ARHGAP42: variants seen among roughly 807,000 people sequenced by gnomAD.
ARHGAP42 encodes rho GTPase-activating protein 42.
ARHGAP42 carries 63 observed loss-of-function variants against 125.0 expected under a neutral mutation model. That is an observed-to-expected ratio of 0.50 (90% confidence interval 0.41 to 0.62). The LOEUF is 0.62. ARHGAP42 is among the 20% of genes least tolerant of loss of function. The pLI, the probability that ARHGAP42 is intolerant of heterozygous loss-of-function variation, is 0.00. For missense variants in ARHGAP42, 766 were observed against 1,024.2 expected, an observed-to-expected ratio of 0.75 and a Z score of 3.44; for synonymous variants, 339 against 351.0, an observed-to-expected ratio of 0.97 and a Z score of 0.38.
intron 15 of ARHGAP42, among the ~76,000 whole-genome samples, chr11:100,962,175 A>G (rs1192044918): frequency 6.6e-6 from 1 of 152,026 alleles, no homozygotes; most frequent in Non-Finnish European, 1.5e-5. Flanking sequence ...TAATACAGTC[A>G]TGGAAAGAAG....
At chr11:100,786,843 G>A (rs1310444772) in intron 2 of ARHGAP42, among the ~76,000 whole-genome samples, 1 of 152,102 alleles carries the variant, frequency 6.6e-6, no homozygotes, top group African/African-American at 2.4e-5. Flanking sequence ...CTGTGATATG[G>A]TTTGGCTCTG....
intron 12 of ARHGAP42, among the ~76,000 whole-genome samples, chr11:100,954,485 G>A (rs519594): frequency 0.88 from 133,843 of 151,774 alleles, 59,098 homozygotes; most frequent in East Asian, 1. Flanking sequence ...TGTTTAAGTG[G>A]CTTTCCTCAA....
chr11:100,893,158 G>GGTGTGTGTGTGTGTGTGT (rs142725608), intron 4 of ARHGAP42, among the ~76,000 whole-genome samples: 33 of 147,088 alleles, frequency 2.2e-4, no homozygotes, highest in African/African-American at 7.0e-4. Context: ...AACATTTAGG[G>GGTGTGTGTGTGTGTGTGT]GTGTGTGTGT....
At chr11:100,690,597 T>C (rs946317022) in intron 1 of ARHGAP42, among the ~76,000 whole-genome samples, 1 of 152,128 alleles carries the variant, frequency 6.6e-6, no homozygotes, top group Non-Finnish European at 1.5e-5. Flanking sequence ...TTTTATTTTA[T>C]TTATTTATTT....
chr11:100,810,570 A>G lies in ARHGAP42; in HGVS notation c.312+15404A>G, dbSNP rs1864112193. On this transcript the variant is annotated intron_variant, in intron 3 of 23. Transcript: ENST00000298815. ...TGATGTACTCTTCATTTGCATAACCATATCTAACTGCCTTGGTGGAAAAAA... is the reference window on the plus strand; with the variant it reads ...TGATGTACTCTTCATTTGCATAACCGTATCTAACTGCCTTGGTGGAAAAAA... Among the ~76,000 whole-genome samples, 4 of 152,270 alleles carry G rather than the reference A, an allele frequency of 2.6e-5. 1 individual carries two copies. In the Middle Eastern group the frequency reaches 0.01, roughly 388 times the overall value.
chr11:100,973,240 C>A lies in ARHGAP42; in HGVS notation c.1616C>A (p.Thr539Asn). 1.9e-6 allele frequency: 3 copies of A among 1,551,178 alleles called. No individual in the cohort carries two copies. Among genetic ancestry groups the A allele is most frequent in the Non-Finnish European group, 2.6e-6 (3 of 1,146,662 alleles). Residue 539 changes from threonine to asparagine, a missense_variant, in exon 18 of 24, where the codon ACT (threonine) becomes AAT (asparagine). Transcript: ENST00000298815. ...VSNLGVIFGPTLMRAQEETVA... is the reference protein window; with the variant it reads ...VSNLGVIFGPNLMRAQEETVA... ...AATCTTGGTGTCATATTTGGCCCAA[C>A]TCTAATGAGAGCACAGGAAGAAACT...
At chr11:100,879,913 A>T (rs1865915025) in intron 4 of ARHGAP42, among the ~76,000 whole-genome samples, 1 of 152,108 alleles carries the variant, frequency 6.6e-6, no homozygotes, top group South Asian at 2.1e-4. Context: ...CTTATCCTGG[A>T]TTCTTTGTGG....
At chr11:100,880,927 C>A (rs1865944778) in intron 4 of ARHGAP42, among the ~76,000 whole-genome samples, 4 of 136,000 alleles carry the variant, frequency 2.9e-5, no homozygotes, top group South Asian at 4.7e-4. Flanking sequence ...GTCCTTAGCC[C>A]ACTTTTTGAT....
rs1858898750 is a variant in ARHGAP42 at position 100,993,600 on chromosome 11, GA to G, written c.*4801del. On this transcript the variant is annotated 3_prime_UTR_variant, in exon 24 of 24. Coordinates refer to ENST00000298815, the MANE Select transcript of ARHGAP42 (RefSeq NM_152432.4). ...GGAAGACACCTGGGTTTTTAATTCA[GA>G]ACCCTATTTATATACTGTTAAAATT... is the stretch of plus-strand genomic sequence containing the variant. The G allele has an allele frequency of 6.0e-6, 1 of 166,950 alleles. No individual in the cohort carries two copies. Among genetic ancestry groups the G allele is most frequent in the Admixed American group, 6.5e-5 (1 of 15,278 alleles). The allele number at this position is 166,950 out of a possible 1,614,324, so 10.3% of individuals were successfully genotyped here.
intron 12 of ARHGAP42, among the ~76,000 whole-genome samples, chr11:100,956,857 G>A (rs1857818254): frequency 6.6e-6 from 1 of 152,214 alleles, no homozygotes; most frequent in South Asian, 2.1e-4. Context: ...TTAAAAATAA[G>A]TGACAAAGTG....
At chr11:100,921,055 C>T (rs1867228093) in intron 5 of ARHGAP42, among the ~76,000 whole-genome samples, 1 of 151,106 alleles carries the variant, frequency 6.6e-6, no homozygotes, top group Admixed American at 6.6e-5. Context: ...GAAAACGGCC[C>T]CTGCTTTTTT....
At chr11:100,901,002 C>T (rs1254836669) in intron 4 of ARHGAP42, among the ~76,000 whole-genome samples, 1 of 151,958 alleles carries the variant, frequency 6.6e-6, no homozygotes, top group African/African-American at 2.4e-5. Flanking sequence ...CTTTTCTGCT[C>T]TGATTTTTCC....
chr11:100,992,873 T>G lies in ARHGAP42; in HGVS notation c.*4072T>G, dbSNP rs867047460. On this transcript the variant is annotated 3_prime_UTR_variant, in exon 24 of 24. Transcript: ENST00000298815. ...ACCAATGATTACAAGGTGTCTGTGG[T>G]TTAGGGGGCCCAGCCCATCATTCCT... The G allele has an allele frequency of 4.5e-5, 17 of 380,642 alleles. No individual in the cohort carries two copies. Among genetic ancestry groups the G allele is most frequent in the African/African-American group, 1.1e-4 (3 of 28,382 alleles). The allele number at this position is 380,642 out of a possible 1,614,324, so 23.6% of individuals were successfully genotyped here.
chr11:100,846,322 C>G (rs1865064135), intron 3 of ARHGAP42, among the ~76,000 whole-genome samples: 1 of 152,106 alleles, frequency 6.6e-6, no homozygotes, highest in Non-Finnish European at 1.5e-5. Flanking sequence ...GTCAGAACAC[C>G]TCACACTCAG....
chr11:100,873,631 T>C (rs1418055766), intron 4 of ARHGAP42, among the ~76,000 whole-genome samples: 1 of 152,210 alleles, frequency 6.6e-6, no homozygotes, highest in Non-Finnish European at 1.5e-5. Flanking sequence ...TCAGGATATA[T>C]ATAATTGGTA....
At chr11:100,977,715 TG>T (rs750568037) in intron 21 of ARHGAP42, among the ~76,000 whole-genome samples, 1 of 152,216 alleles carries the variant, frequency 6.6e-6, no homozygotes, top group Non-Finnish European at 1.5e-5. Context: ...AGGTCTGCAG[TG>T]TCCTTTGGAA....
At chr11:100,946,099 T>C (rs919171538) in intron 10 of ARHGAP42, among the ~76,000 whole-genome samples, 1 of 152,124 alleles carries the variant, frequency 6.6e-6, no homozygotes, top group African/African-American at 2.4e-5. Context: ...CTTATACTTT[T>C]ATATTATGCA....
At chr11:100,704,603 G>A (rs12278242) in intron 1 of ARHGAP42, among the ~76,000 whole-genome samples, 37,235 of 151,644 alleles carry the variant, frequency 0.25, 4,799 homozygotes, top group Non-Finnish European at 0.26. Flanking sequence ...ATATCCACCG[G>A]TAAGAGGGGA....
intron 3 of ARHGAP42, among the ~76,000 whole-genome samples, chr11:100,849,575 A>T (rs1413498393): frequency 6.8e-6 from 1 of 147,286 alleles, no homozygotes; most frequent in East Asian, 2.1e-4. Flanking sequence ...TTTCTCTTTC[A>T]GTTAATTTTT....
Sources: allele counts gnomAD v4.1 joint callset (sites outside exome capture counted in the v4.1 genomes callset), GRCh38; gene constraint gnomAD v4.1.1; transcripts MANE v1.5; gene names NCBI Gene and HGNC (gene_info 2026-07-23, HGNC 2026-07-21).